Variants in FOXP2 observed in about 807,000 individuals in gnomAD.
FOXP2 encodes forkhead box protein P2.
Under a neutral mutation model 115.8 loss-of-function variants are expected in FOXP2, and 12 were observed. The observed-to-expected ratio is 0.10, with a 90% confidence interval of 0.07 to 0.17. The LOEUF (loss-of-function observed/expected upper bound fraction) is 0.17. FOXP2 is among the 10% of genes least tolerant of loss of function. FOXP2 has a pLI of 1.00. For synonymous variants in FOXP2, 328 were observed against 297.7 expected, an observed-to-expected ratio of 1.10 and a Z score of -1.05; for missense variants, 629 against 843.5, an observed-to-expected ratio of 0.75 and a Z score of 3.15.
rs772814187 is a variant in FOXP2 at position 114,652,135 on chromosome 7, T to G, written c.1095-68T>G. The G allele has an allele frequency of 1.4e-4, 197 of 1,443,412 alleles. 1 individual carries two copies. Among genetic ancestry groups the G allele is most frequent in the Non-Finnish European group, 1.9e-4 (193 of 1,027,846 alleles). 89.4% of individuals were successfully genotyped at this position (1,443,412 alleles called of 1,614,324 possible). A position where few individuals can be genotyped will look rare whatever the true frequency, so the allele number is the denominator to read the frequency against. ...CATCTGACTTCAGTGTAGTGCTTTTTAAGTGTAGCCTATGCCACTAAGATC... is the reference window on the plus strand; with the variant it reads ...CATCTGACTTCAGTGTAGTGCTTTTGAAGTGTAGCCTATGCCACTAAGATC... On this transcript the variant is annotated intron_variant, in intron 8 of 16. Coordinates refer to ENST00000350908, the MANE Select transcript of FOXP2 (RefSeq NM_014491.4).
chr7:114,131,239 C>A (rs528741369), intron 1 of FOXP2, among the ~76,000 whole-genome samples: 2 of 152,256 alleles, frequency 1.3e-5, no homozygotes, highest in East Asian at 3.9e-4. Flanking sequence ...AGCTCTTATA[C>A]TCTAATTATC....
intron 3 of FOXP2, among the ~76,000 whole-genome samples, chr7:114,594,890 G>C (rs929999825): frequency 6.6e-6 from 1 of 151,898 alleles, no homozygotes; most frequent in Non-Finnish European, 1.5e-5. Context: ...CTAGATGAAG[G>C]TATGTTCTCA....
At chr7:114,508,093 TA>T (rs1797911401) in intron 2 of FOXP2, among the ~76,000 whole-genome samples, 1 of 151,984 alleles carries the variant, frequency 6.6e-6, no homozygotes, top group Admixed American at 6.6e-5. Context: ...ACATACTTTT[TA>T]AAAAACATAT....
intron 3 of FOXP2, among the ~76,000 whole-genome samples, chr7:114,548,580 C>A (rs1050401890): frequency 1.3e-5 from 2 of 152,018 alleles, no homozygotes; most frequent in Admixed American, 1.3e-4. Flanking sequence ...AATATGCAAA[C>A]CTGTGTATTA....
At chr7:114,264,084 C>G (rs1053040199) in intron 1 of FOXP2, among the ~76,000 whole-genome samples, 1 of 151,944 alleles carries the variant, frequency 6.6e-6, no homozygotes, top group African/African-American at 2.4e-5. Context: ...TCTCTAAGAC[C>G]CTGTCAAGGT....
At chr7:114,124,898 A>G (rs1243864428) in intron 1 of FOXP2, among the ~76,000 whole-genome samples, 1 of 152,184 alleles carries the variant, frequency 6.6e-6, no homozygotes, top group Admixed American at 6.6e-5. Context: ...TGATTACTCT[A>G]ATCCTCACTG....
At chr7:114,362,839 T>A (rs1791785767) in intron 2 of FOXP2, among the ~76,000 whole-genome samples, 1 of 152,100 alleles carries the variant, frequency 6.6e-6, no homozygotes, top group African/African-American at 2.4e-5. Flanking sequence ...GGTGAACAAG[T>A]AAGGGGACAA....
At chr7:114,687,344 T>C (rs761066148) in intron 16 of FOXP2, among the ~76,000 whole-genome samples, 39 of 152,212 alleles carry the variant, frequency 2.6e-4, no homozygotes, top group Non-Finnish European at 4.6e-4. Context: ...GCATGATTGC[T>C]GGTAATAATC....
intron 2 of FOXP2, among the ~76,000 whole-genome samples, chr7:114,457,229 C>T (rs1795348311): frequency 6.6e-6 from 1 of 152,078 alleles, no homozygotes; most frequent in Non-Finnish European, 1.5e-5. Context: ...ACAGTAGAAA[C>T]TGTTTCACTG....
chr7:114,380,036 T>A (rs975937090), intron 2 of FOXP2, among the ~76,000 whole-genome samples: 1 of 152,210 alleles, frequency 6.6e-6, no homozygotes, highest in African/African-American at 2.4e-5. Context: ...TTAGGGGTCC[T>A]TCTATAAGCA....
chr7:114,232,638 A>G (rs1794910264), intron 1 of FOXP2, among the ~76,000 whole-genome samples: 1 of 151,978 alleles, frequency 6.6e-6, no homozygotes. Flanking sequence ...ACATGGAGAA[A>G]CCCCATCTCT....
intron 1 of FOXP2, among the ~76,000 whole-genome samples, chr7:114,421,332 T>A (rs1419327390): frequency 6.6e-6 from 1 of 151,672 alleles, no homozygotes; most frequent in Non-Finnish European, 1.5e-5. Flanking sequence ...GGAAGATAAG[T>A]TTTTCATTGG....
chr7:114,593,252 C>T (rs899944492), intron 3 of FOXP2, among the ~76,000 whole-genome samples: 1 of 151,052 alleles, frequency 6.6e-6, no homozygotes, highest in African/African-American at 2.5e-5. Context: ...AAAAAAAAAT[C>T]ACTCTATTCC....
intron 1 of FOXP2, among the ~76,000 whole-genome samples, chr7:114,242,147 G>A (rs1795172329): frequency 6.6e-6 from 1 of 151,462 alleles, no homozygotes; most frequent in African/African-American, 2.4e-5. Flanking sequence ...AATCATGGCA[G>A]TGGGGCTAGA....
chr7:114,687,523 G>A (rs1263862985), intron 16 of FOXP2, among the ~76,000 whole-genome samples: 1 of 152,084 alleles, frequency 6.6e-6, no homozygotes, highest in South Asian at 2.1e-4. Flanking sequence ...AATTTTTCTC[G>A]CTTTTTCAAA....
At chr7:114,142,436 A>T (rs1007269558) in intron 1 of FOXP2, among the ~76,000 whole-genome samples, 1 of 152,188 alleles carries the variant, frequency 6.6e-6, no homozygotes, top group African/African-American at 2.4e-5. Flanking sequence ...TTCCAAAAAA[A>T]ATTAGATCTT....
At chr7:114,547,395 C>G (rs1562990617) in intron 3 of FOXP2, among the ~76,000 whole-genome samples, 1 of 152,108 alleles carries the variant, frequency 6.6e-6, no homozygotes, top group Non-Finnish European at 1.5e-5. Flanking sequence ...TCTAATGCCA[C>G]TACGTATCAA....
At chr7:114,138,352 C>G (rs1792099484) in intron 1 of FOXP2, among the ~76,000 whole-genome samples, 1 of 151,480 alleles carries the variant, frequency 6.6e-6, no homozygotes, top group Non-Finnish European at 1.5e-5. Context: ...AGTATATATC[C>G]TCTGAGGTCC....
intron 1 of FOXP2, among the ~76,000 whole-genome samples, chr7:114,276,357 G>C (rs1341450210): frequency 1.3e-5 from 2 of 151,992 alleles, no homozygotes; most frequent in Non-Finnish European, 2.9e-5. Flanking sequence ...TAGACACAGG[G>C]TTTCATCATG....
Sources: allele counts gnomAD v4.1 joint callset (sites outside exome capture counted in the v4.1 genomes callset), GRCh38; gene constraint gnomAD v4.1.1; transcripts MANE v1.5; gene names NCBI Gene and HGNC (gene_info 2026-07-23, HGNC 2026-07-21).